The following RASSF5 variants were observed in gnomAD, a reference collection of about 807,000 sequenced individuals.
The protein encoded by RASSF5 is ras association domain-containing protein 5.
RASSF5 carries 25 observed loss-of-function variants against 40.5 expected under a neutral mutation model. The ratio of observed to expected loss-of-function variants is 0.62; its 90% CI spans 0.45 to 0.86. The LOEUF is 0.86. Ranked by LOEUF, RASSF5 falls within the 40% of genes least tolerant of loss-of-function variation. The pLI is 0.00. For missense variants in RASSF5, 521 were observed against 572.8 expected, an observed-to-expected ratio of 0.91 and a Z score of 0.92; for synonymous variants, 246 against 252.4, an observed-to-expected ratio of 0.97 and a Z score of 0.24.
intron 2 of RASSF5, chr1:206,582,980 T>C: frequency 3.5e-6 from 1 of 285,022 alleles, no homozygotes; most frequent in South Asian, 4.0e-5. Flanking sequence ...CCAGACGCTT[T>C]CACACTAATC....
At chr1:206,570,479 A>G (rs934478508) in intron 2 of RASSF5, among the ~76,000 whole-genome samples, 1 of 152,126 alleles carries the variant, frequency 6.6e-6, no homozygotes, top group Admixed American at 6.6e-5. Flanking sequence ...ATCCATTTCC[A>G]GAACTTTTGT....
intron 1 of RASSF5, chr1:206,529,431 A>G: frequency 1.2e-6 from 1 of 860,248 alleles, no homozygotes; most frequent in Non-Finnish European, 1.9e-6. Flanking sequence ...CCTGTGTCAT[A>G]AAATGGGGGT....
intron 2 of RASSF5, among the ~76,000 whole-genome samples, chr1:206,575,770 G>C (rs1422938070): frequency 1.3e-5 from 2 of 152,226 alleles, no homozygotes; most frequent in African/African-American, 4.8e-5. Context: ...GGCCCTGAGA[G>C]GGGAAGTAGC....
intron 2 of RASSF5, among the ~76,000 whole-genome samples, chr1:206,580,253 A>G (rs782547064): frequency 6.6e-6 from 1 of 152,266 alleles, no homozygotes; most frequent in African/African-American, 2.4e-5. Flanking sequence ...CAAGCCTTTG[A>G]AAGCCACAGC....
rs1666667707 is a variant in RASSF5, at chr1:206,513,416, C to T, written c.457+5357C>T. 6.6e-6 allele frequency among the ~76,000 whole-genome samples: 1 copy of T among 152,188 alleles called. No individual in the cohort carries two copies. Among genetic ancestry groups the T allele is most frequent in the African/African-American group, 2.4e-5 (1 of 41,406 alleles). Reference sequence around the variant, plus strand: ...TTTGTGGGTGTGCAAAGCATGCAAGCTCCCCACCCCCAGCCCTTCTGAGGG... The same window carrying T: ...TTTGTGGGTGTGCAAAGCATGCAAGTTCCCCACCCCCAGCCCTTCTGAGGG... On this transcript the variant is annotated intron_variant, in intron 1 of 5. Coordinates refer to ENST00000579436, the MANE Select transcript of RASSF5 (RefSeq NM_182663.4). This position sits in a 1 kb window ranked among gnomAD's most constrained non-coding sequence, Gnocchi z 5.0.
chr1:206,570,078 CTTTTTTTTTTTTTTTT>C (rs375900760), intron 2 of RASSF5, among the ~76,000 whole-genome samples: 9 of 119,378 alleles, frequency 7.5e-5, no homozygotes, highest in Admixed American at 7.3e-4. Context: ...TAAAATTTAC[CTTTTTTTTTTTTTTTT>C]TTTTTTTTTT....
intron 1 of RASSF5, among the ~76,000 whole-genome samples, chr1:206,536,950 G>T (rs1389250265): frequency 6.6e-6 from 1 of 152,200 alleles, no homozygotes; most frequent in Non-Finnish European, 1.5e-5. Flanking sequence ...CCACACCTCA[G>T]ATCCGAGCAT....
chr1:206,573,454 C>T (rs906161084), intron 2 of RASSF5, among the ~76,000 whole-genome samples: 1 of 152,182 alleles, frequency 6.6e-6, no homozygotes, highest in Non-Finnish European at 1.5e-5. Flanking sequence ...GGATCTGGGA[C>T]GCCATAGAGG....
At chr1:206,539,273 A>G (rs1667489741) in intron 2 of RASSF5, among the ~76,000 whole-genome samples, 1 of 152,238 alleles carries the variant, frequency 6.6e-6, no homozygotes, top group African/African-American at 2.4e-5. Flanking sequence ...CGGTGCTTAC[A>G]GTAGGGTAAG....
intron 2 of RASSF5, among the ~76,000 whole-genome samples, chr1:206,553,493 G>C (rs1182750811): frequency 6.6e-6 from 1 of 152,186 alleles, no homozygotes; most frequent in Non-Finnish European, 1.5e-5. Flanking sequence ...AGGAAAAGAA[G>C]GAGCAGGTAG....
chr1:206,511,050 C>T (rs775556702), intron 1 of RASSF5, among the ~76,000 whole-genome samples: 7 of 152,190 alleles, frequency 4.6e-5, no homozygotes, highest in Non-Finnish European at 7.3e-5. Context: ...TAAGCTTACC[C>T]CACTTCAAGG....
intron 1 of RASSF5, among the ~76,000 whole-genome samples, chr1:206,509,469 C>T (rs1572284255): frequency 6.6e-6 from 1 of 152,352 alleles, no homozygotes; most frequent in Middle Eastern, 3.4e-3. Context: ...GGGCTGCTGT[C>T]CCTTGGTAAA....
At chr1:206,549,615 T>G (rs1029155771) in intron 2 of RASSF5, among the ~76,000 whole-genome samples, 5 of 152,222 alleles carry the variant, frequency 3.3e-5, no homozygotes, top group Non-Finnish European at 7.3e-5. Context: ...CCCAGCCCTG[T>G]GGAAATATTC....
chr1:206,565,935 T>C (rs1038574263), intron 2 of RASSF5, among the ~76,000 whole-genome samples: 1 of 152,172 alleles, frequency 6.6e-6, no homozygotes, highest in Non-Finnish European at 1.5e-5. Context: ...TCTGTCCCCA[T>C]GCAGGACTGC....
intron 2 of RASSF5, among the ~76,000 whole-genome samples, chr1:206,566,615 T>A (rs1319931207): frequency 1.3e-5 from 2 of 152,104 alleles, no homozygotes; most frequent in Admixed American, 6.5e-5. Flanking sequence ...GCTCCACCTA[T>A]CCCCTCCGTT....
intron 1 of RASSF5, chr1:206,529,717 T>TACATAAAAA: frequency 1.5e-6 from 1 of 665,774 alleles, no homozygotes; most frequent in Non-Finnish European, 2.7e-6. Context: ...ATGCACACTG[T>TACATAAAAA]TGAGTTTTCT....
chr1:206,536,376 T>C (rs995519700), intron 1 of RASSF5, among the ~76,000 whole-genome samples: 2 of 152,098 alleles, frequency 1.3e-5, no homozygotes, highest in Non-Finnish European at 2.9e-5. Flanking sequence ...TTCCAGACAC[T>C]GTTACAGAAA....
chr1:206,577,306 C>G (rs2103560592), intron 2 of RASSF5, among the ~76,000 whole-genome samples: 1 of 152,108 alleles, frequency 6.6e-6, no homozygotes, highest in East Asian at 1.9e-4. Context: ...TGTGGCCAAT[C>G]AGAAGAAGGA....
intron 1 of RASSF5, among the ~76,000 whole-genome samples, chr1:206,520,520 T>C (rs1382900267): frequency 6.6e-6 from 1 of 151,790 alleles, no homozygotes; most frequent in African/African-American, 2.4e-5. Context: ...GGCCGGAGAA[T>C]TGCTTGAATC....
Sources: gnomAD v4.1 joint callset for allele counts (sites outside exome capture counted in the v4.1 genomes callset) on GRCh38, gnomAD v4.1.1 for gene constraint, Gnocchi (gnomAD v3.1) non-coding constraint, MANE v1.5 for transcripts, NCBI Gene and HGNC (gene_info 2026-07-23, HGNC 2026-07-21) for gene names.